The following CCDC40 variants were observed in gnomAD, a reference collection of about 807,000 sequenced individuals.
CCDC40 encodes the protein coiled-coil domain-containing protein 40.
In CCDC40, 104 loss-of-function variants were observed where a neutral mutation model predicts 124.5. The ratio of observed to expected loss-of-function variants is 0.84; its 90% CI spans 0.71 to 0.98. CCDC40 has a LOEUF of 0.98. CCDC40 is among the 50% of genes least tolerant of loss of function. The probability of loss-of-function intolerance (pLI) is 0.00; values close to 1 mark genes in which losing one functional copy is unlikely to be tolerated. For synonymous variants in CCDC40, 580 were observed against 602.9 expected, an observed-to-expected ratio of 0.96 and a Z score of 0.56; for missense variants, 1,463 against 1,503.9, an observed-to-expected ratio of 0.97 and a Z score of 0.45.
In CCDC40 at chr17:80,058,772, C is replaced by T. The variant is rs777301145; in HGVS notation, c.1318-86C>T. 15 of 1,607,856 alleles carry T rather than the reference C, an allele frequency of 9.3e-6. No homozygotes were observed. Among genetic ancestry groups the T allele is most frequent in the South Asian group, 6.6e-5 (6 of 90,854 alleles). On this transcript the variant is annotated intron_variant, in intron 8 of 19. Transcript: ENST00000397545. This position sits in a 1 kb window ranked among gnomAD's most constrained non-coding sequence, Gnocchi z 4.2. ...GAGGGGTGGCGGCCGGCCTGGGTGG[C>T]GTCAACTTGTATCAAGGGTTGGTGG...
At chr17:80,085,949 C>T (rs2038577600) in intron 13 of CCDC40, 54 bp from the exon 14 acceptor site, 11 of 1,509,590 alleles carry the variant, frequency 7.3e-6, no homozygotes, top group East Asian at 2.3e-5. Context: ...GAATTACAGG[C>T]GTGAGTCACT....
intron 3 of CCDC40, among the ~76,000 whole-genome samples, chr17:80,046,443 G>A (rs1354609002): frequency 6.6e-6 from 1 of 151,990 alleles, no homozygotes; most frequent in Non-Finnish European, 1.5e-5. Context: ...TAAGGAGGGA[G>A]GATCACCGGA....
Position 80,058,323 on chromosome 17 carries a change from C to CA in CCDC40, c.1160-168dup, listed in dbSNP as rs2037804094. Among the ~76,000 whole-genome samples, 1 of 152,206 alleles carries CA rather than the reference C, an allele frequency of 6.6e-6. No individual in the cohort carries two copies. Among genetic ancestry groups the CA allele is most frequent in the African/African-American group, 2.4e-5 (1 of 41,458 alleles). On this transcript the variant is annotated intron_variant, in intron 7 of 19. Transcript: ENST00000397545. This position sits in a 1 kb window ranked among gnomAD's most constrained non-coding sequence, Gnocchi z 4.2. ...CAAGAGACTGTAAACTCTTTGCTGA[C>CA]AAAGTCTGTGTCTTGATAGTTTAAA...
chr17:80,069,577 C>G (rs537346802), intron 10 of CCDC40, among the ~76,000 whole-genome samples: 1 of 152,182 alleles, frequency 6.6e-6, no homozygotes, highest in African/African-American at 2.4e-5. Context: ...TGGTGAAACC[C>G]CGTCTCTACT....
intron 18 of CCDC40, 107 bp from the exon 19 acceptor site, chr17:80,097,138 G>C: frequency 8.1e-7 from 1 of 1,230,954 alleles, no homozygotes; most frequent in Non-Finnish European, 1.2e-6. Context: ...GAGCCTCCCT[G>C]GATGGAGTGT....
intron 13 of CCDC40, 94 bp downstream of exon 13, chr17:80,085,082 C>T: frequency 6.7e-7 from 1 of 1,488,918 alleles, no homozygotes; most frequent in Non-Finnish European, 9.1e-7. Flanking sequence ...GACATGAACT[C>T]CTGGAAGGCA....
intron 17 of CCDC40, chr17:80,090,634 A>G: frequency 6.9e-7 from 1 of 1,456,434 alleles, no homozygotes; most frequent in Non-Finnish European, 9.0e-7. Context: ...AGAAGGGCTC[A>G]GAGAGCACCC....
intron 1 of CCDC40, 161 bp downstream of exon 1, chr17:80,036,852 C>T: frequency 1.7e-6 from 1 of 605,016 alleles, no homozygotes; most frequent in Non-Finnish European, 2.6e-6. Flanking sequence ...TGGCCTTTCC[C>T]GTCCACTGCG....
chr17:80,094,444 G>A (rs1284255012), intron 17 of CCDC40, among the ~76,000 whole-genome samples: 1 of 152,034 alleles, frequency 6.6e-6, no homozygotes, highest in Non-Finnish European at 1.5e-5. Context: ...GCTGGGTGCA[G>A]TGGCTTATGC....
intron 7 of CCDC40, among the ~76,000 whole-genome samples, chr17:80,050,984 C>T (rs901876361): frequency 5.3e-5 from 8 of 152,106 alleles, no homozygotes; most frequent in Non-Finnish European, 7.3e-5. Context: ...AGGATGTGTG[C>T]GGCAGGTCAG....
intron 9 of CCDC40, 119 bp from the exon 10 acceptor site, chr17:80,065,366 A>C: frequency 3.8e-6 from 5 of 1,323,862 alleles, no homozygotes; most frequent in Non-Finnish European, 5.4e-6. Flanking sequence ...TGATCAAGGA[A>C]AGTACCGGTG....
intron 10 of CCDC40, among the ~76,000 whole-genome samples, chr17:80,069,757 A>G (rs1237857576): frequency 1.3e-5 from 2 of 151,962 alleles, no homozygotes; most frequent in Admixed American, 1.3e-4. Flanking sequence ...TCTCAAAAAA[A>G]TAAGAAAGAA....
At chr17:80,073,727 A>G (rs1555896732) in intron 10 of CCDC40, among the ~76,000 whole-genome samples, 1 of 151,786 alleles carries the variant, frequency 6.6e-6, no homozygotes, top group Non-Finnish European at 1.5e-5. Flanking sequence ...TTTTTGAGAC[A>G]CTCTGTCCCC....
chr17:80,064,301 C>T (rs985500564), intron 9 of CCDC40, among the ~76,000 whole-genome samples: 1 of 152,174 alleles, frequency 6.6e-6, no homozygotes, highest in Non-Finnish European at 1.5e-5. Flanking sequence ...CTGGGTGTCA[C>T]GGCGTGCAGG....
intron 13 of CCDC40, among the ~76,000 whole-genome samples, chr17:80,085,204 T>TTGG (rs1173313098): frequency 2.6e-5 from 4 of 152,254 alleles, no homozygotes; most frequent in Non-Finnish European, 1.5e-5. Flanking sequence ...TTGTGGCCAG[T>TTGG]TGGTCTCTCT....
chr17:80,100,071 T>G lies in CCDC40; in HGVS notation c.*296T>G. On this transcript the variant is annotated 3_prime_UTR_variant, in exon 20 of 20. Transcript: ENST00000397545. Reference sequence around the variant, plus strand: ...GGGCTTACTCGTCCAGGTAACACTTTGGTTTGCAGCACTCCCAAATCTGCA... The same window carrying G: ...GGGCTTACTCGTCCAGGTAACACTTGGGTTTGCAGCACTCCCAAATCTGCA... 2.3e-6 allele frequency: 1 copy of G among 442,412 alleles called. No individual in the cohort carries two copies. Among genetic ancestry groups the G allele is most frequent in the Non-Finnish European group, 4.2e-6 (1 of 238,348 alleles). 27.4% of individuals were successfully genotyped at this position (442,412 alleles called of 1,614,324 possible).
Position 80,088,234 on chromosome 17 carries a change from G to C in CCDC40, c.2711+132G>C, listed in dbSNP as rs954030785. ...TATCCCAGTGCTTTGGTCATTTTTT[G>C]TTGTTGTTTTGTTTTTTGTTTTGTT... On this transcript the variant is annotated intron_variant, in intron 16 of 19. Transcript: ENST00000397545. 6 of 729,406 alleles carry C rather than the reference G, an allele frequency of 8.2e-6. No individual in the cohort carries two copies. The African/African-American group carries it at 8.7e-5, about 11-fold the overall frequency. The allele number at this position is 729,406 out of a possible 1,614,324, so 45.2% of individuals were successfully genotyped here.
chr17:80,090,047 C>G, intron 17 of CCDC40, 163 bp downstream of exon 17: 2 of 1,537,240 alleles, frequency 1.3e-6, no homozygotes, highest in Admixed American at 2.0e-5. Flanking sequence ...GCGACCCGCT[C>G]CAGCAGAGTG....
chr17:80,068,847 C>T (rs149115015), intron 10 of CCDC40, among the ~76,000 whole-genome samples: 1 of 152,336 alleles, frequency 6.6e-6, no homozygotes, highest in Non-Finnish European at 1.5e-5. Flanking sequence ...ACCGAATGCT[C>T]CACGCTCGGA....
Sources: allele counts gnomAD v4.1 joint callset (sites outside exome capture counted in the v4.1 genomes callset), GRCh38; gene constraint gnomAD v4.1.1; non-coding constraint Gnocchi (gnomAD v3.1); transcripts MANE v1.5; gene names NCBI Gene and HGNC (gene_info 2026-07-23, HGNC 2026-07-21).